KATNIP: variants seen among roughly 807,000 people sequenced by gnomAD.
KATNIP encodes katanin interacting protein.
KATNIP carries 126 observed loss-of-function variants against 174.0 expected under a neutral mutation model. The ratio of observed to expected loss-of-function variants is 0.72; its 90% CI spans 0.63 to 0.84. KATNIP has a LOEUF of 0.84. Ranked by LOEUF, KATNIP falls within the 40% of genes least tolerant of loss-of-function variation. KATNIP has a pLI of 0.00. For missense variants in KATNIP, 1,958 were observed against 2,109.7 expected, an observed-to-expected ratio of 0.93 and a Z score of 1.41; for synonymous variants, 810 against 835.7, an observed-to-expected ratio of 0.97 and a Z score of 0.53.
rs2079866580 is a variant in KATNIP, at chr16:27,715,062, T to TA, written c.1605+6145dup. Among the ~76,000 whole-genome samples, 3 of 152,202 alleles carry TA rather than the reference T, an allele frequency of 2.0e-5. No individual in the cohort carries two copies. The South Asian group carries it at 6.2e-4, about 32-fold the overall frequency. On this transcript the variant is annotated intron_variant, in intron 13 of 27. Transcript: ENST00000261588. The stretch of plus-strand genomic sequence containing the variant: ...AAAACATACGCCAACTCTGCAGTAA[T>TA]AAAGACTGCATGGTACTGGCATAGG...
intron 3 of KATNIP, among the ~76,000 whole-genome samples, chr16:27,622,578 A>G (rs547854983): frequency 6.6e-6 from 1 of 152,208 alleles, no homozygotes; most frequent in African/African-American, 2.4e-5. Flanking sequence ...TCTAGACTGC[A>G]GGGGGTAGAC....
At chr16:27,682,451 C>T (rs746753404) in intron 8 of KATNIP, among the ~76,000 whole-genome samples, 3 of 152,150 alleles carry the variant, frequency 2.0e-5, no homozygotes, top group Non-Finnish European at 4.4e-5. Flanking sequence ...CTGGCTGCCA[C>T]GTGGAGCCTG....
chr16:27,750,513 G>A (rs1340483039), intron 16 of KATNIP, among the ~76,000 whole-genome samples: 2 of 149,886 alleles, frequency 1.3e-5, no homozygotes, highest in Non-Finnish European at 3.0e-5. Context: ...TCCGCCTCCC[G>A]GGTTCACGCC....
chr16:27,557,904 GTC>G (rs1190392829), intron 1 of KATNIP, among the ~76,000 whole-genome samples: 1 of 152,110 alleles, frequency 6.6e-6, no homozygotes, highest in African/African-American at 2.4e-5. Context: ...TATCAATAAA[GTC>G]TGTTAACACC....
In KATNIP at chr16:27,698,336, A is replaced by G; in HGVS notation, c.949A>G (p.Ser317Gly). The change falls in exon 9 of 28, where the codon AGC (serine) becomes GGC (glycine). Residue 317 changes from serine (S) to glycine (G), a missense_variant. Ser to Gly is a moderately conservative substitution (Grantham distance 56). Transcript: ENST00000261588. ...DQERMCSRPGSRRERPLSATR... is the reference protein window; with the variant it reads ...DQERMCSRPGGRRERPLSATR... The stretch of plus-strand genomic sequence containing the variant: ...CTGTCTTCTGCCCTCAGGACCTGGA[A>G]GCCGGCGAGAGAGACCCCTGTCTGC... 1 of 1,608,586 alleles carries G rather than the reference A, an allele frequency of 6.2e-7. No homozygotes were observed. Among genetic ancestry groups the G allele is most frequent in the Non-Finnish European group, 8.5e-7 (1 of 1,176,576 alleles).
intron 1 of KATNIP, among the ~76,000 whole-genome samples, chr16:27,550,814 G>C (rs1310121147): frequency 6.6e-6 from 1 of 152,206 alleles, no homozygotes; most frequent in African/African-American, 2.4e-5. Flanking sequence ...GCATGTAGCA[G>C]AGTGAGTGAG....
At chr16:27,578,698 T>C (rs1030275125) in intron 2 of KATNIP, among the ~76,000 whole-genome samples, 1 of 152,162 alleles carries the variant, frequency 6.6e-6, no homozygotes, top group Non-Finnish European at 1.5e-5. Flanking sequence ...CTGCCTCAGC[T>C]TCCCAAGTAG....
At chr16:27,572,046 G>A (rs555782889) in intron 1 of KATNIP, among the ~76,000 whole-genome samples, 4 of 151,944 alleles carry the variant, frequency 2.6e-5, no homozygotes, top group Admixed American at 6.6e-5. Flanking sequence ...TTTTTAGAGC[G>A]TTCAGCAAAA....
intron 6 of KATNIP, 90 bp downstream of exon 6, chr16:27,648,825 T>C: frequency 1.4e-6 from 2 of 1,392,712 alleles, no homozygotes; most frequent in Non-Finnish European, 2.0e-6. Context: ...TTCTGACAGT[T>C]ATTTATTCTG....
chr16:27,679,513 C>T (rs1242987855), intron 7 of KATNIP, among the ~76,000 whole-genome samples: 1 of 151,942 alleles, frequency 6.6e-6, no homozygotes, highest in African/African-American at 2.4e-5. Flanking sequence ...CCAACAGTTT[C>T]GGCAGCCAAG....
chr16:27,761,472 C>T lies in KATNIP; in HGVS notation c.3691C>T (p.Leu1231=), dbSNP rs760914704. The part of the protein sequence containing the change: ...GDLHYLGLTG[L]EVVGKEGQAL... ...CTTGCACTACCTGGGGCTCACTGGC[C>T]TGGAAGTGGTGGGCAAGGAGGGCCA... The change falls in exon 19 of 28, where the codon CTG becomes TTG. Residue 1231 remains leucine (L), a synonymous_variant. Transcript: ENST00000261588. 1 of 1,614,136 alleles carries T rather than the reference C, an allele frequency of 6.2e-7. No homozygotes were observed. The highest frequency in any genetic ancestry group is 8.5e-7 in the Non-Finnish European group (1 of 1,180,036).
rs142151849 is a variant in KATNIP at position 27,704,074 on chromosome 16, T to C, written c.1389+76T>C. On this transcript the variant is annotated intron_variant, in intron 12 of 27. Transcript: ENST00000261588. ...AACAGGCATTTCGCATCAGTGAGGA[T>C]TGCTCTGACAGTGGTTAAATGAGCA... is the stretch of plus-strand genomic sequence containing the variant. 271 of 1,173,032 alleles carry C rather than the reference T, an allele frequency of 2.3e-4. No homozygotes were observed. In the African/African-American group the frequency reaches 3.4e-3, roughly 15 times the overall value. 72.7% of individuals were successfully genotyped at this position (1,173,032 alleles called of 1,614,324 possible).
intron 3 of KATNIP, among the ~76,000 whole-genome samples, chr16:27,626,312 A>G (rs2076332837): frequency 6.6e-6 from 1 of 150,956 alleles, no homozygotes; most frequent in Admixed American, 6.7e-5. Flanking sequence ...GGTTGCTTCC[A>G]GAGTTTTGTT....
In KATNIP at chr16:27,628,829, C is replaced by T. The variant is rs143923575; in HGVS notation, c.309C>T (p.His103=). ...SRSASHTEGT[H]DYGRRTLFRE... ...GTGCCTCCCACACGGAGGGGACACA[C>T]GGTGAGCACAGGCCCTCCAGGCTGA... The change falls in exon 4 of 28, where the codon CAC becomes CAT. Residue 103 remains histidine (H), a splice_region_variant and synonymous_variant. Coordinates refer to ENST00000261588, the MANE Select transcript of KATNIP (RefSeq NM_015202.5). 22 of 1,613,958 alleles carry T rather than the reference C, an allele frequency of 1.4e-5. No individual in the cohort carries two copies. In the Admixed American group the frequency reaches 2.2e-4, roughly 16 times the overall value.
intron 2 of KATNIP, among the ~76,000 whole-genome samples, chr16:27,610,626 CA>C (rs955449240): frequency 2.0e-4 from 30 of 152,284 alleles, no homozygotes; most frequent in African/African-American, 6.5e-4. Flanking sequence ...TGTACAACAT[CA>C]GGGGGCACAA....
At chr16:27,701,427 G>C (rs2079093959) in intron 10 of KATNIP, 162 bp from the exon 11 acceptor site, 1 of 605,284 alleles carries the variant, frequency 1.7e-6, no homozygotes, top group South Asian at 2.0e-5. Flanking sequence ...AGGGGTTCTA[G>C]ATAGAAGCTC....
In KATNIP at chr16:27,754,265, CTGGAGCAG is replaced by C; in HGVS notation, c.3631+17_3631+24del. The stretch of plus-strand genomic sequence containing the variant: ...ACCACGGAATCTGTGAGTAGCTCTC[CTGGAGCAG>C]TGTTGGGTGGAAGGAGGACCTTCCA... On this transcript the variant is annotated intron_variant, in intron 18 of 27. Transcript: ENST00000261588. 1.2e-6 allele frequency: 2 copies of C among 1,610,956 alleles called. No individual in the cohort carries two copies. Among genetic ancestry groups the C allele is most frequent in the Non-Finnish European group, 1.7e-6 (2 of 1,177,052 alleles).
At chr16:27,609,087 C>T (rs1021715750) in intron 2 of KATNIP, among the ~76,000 whole-genome samples, 18 of 152,094 alleles carry the variant, frequency 1.2e-4, no homozygotes, top group African/African-American at 4.3e-4. Context: ...GCCCAGGTAA[C>T]ATTTCAACTT....
At position 27,776,558 on chromosome 16, in the gene KATNIP, A is replaced by G. The variant is rs2082504883; in HGVS notation, c.4450-370A>G. Among the ~76,000 whole-genome samples the G allele has an allele frequency of 6.6e-6, 1 of 152,090 alleles. No individual in the cohort carries two copies. The highest frequency in any genetic ancestry group is 1.5e-5 in the Non-Finnish European group (1 of 68,026). On this transcript the variant is annotated intron_variant, in intron 24 of 27. Transcript: ENST00000261588. This position sits in a 1 kb window ranked among gnomAD's most constrained non-coding sequence, Gnocchi z 4.7. ...TGCTGATCACCATGGCTGGTGCTCA[A>G]CCCGAGTTGGGGACTGTCCCTTTAG...
Sources: gnomAD v4.1 joint callset for allele counts (sites outside exome capture counted in the v4.1 genomes callset) on GRCh38, gnomAD v4.1.1 for gene constraint, Gnocchi (gnomAD v3.1) non-coding constraint, MANE v1.5 for transcripts, NCBI Gene and HGNC (gene_info 2026-07-23, HGNC 2026-07-21) for gene names.